Variants in MBTD1 observed in about 807,000 individuals in gnomAD.
MBTD1 encodes the protein MBT domain-containing protein 1.
MBTD1 carries 24 observed loss-of-function variants against 87.8 expected under a neutral mutation model. The observed-to-expected ratio is 0.27, with a 90% CI of 0.20 to 0.38. MBTD1 has a LOEUF of 0.38. Ranked by LOEUF, MBTD1 falls within the 10% of genes least tolerant of loss-of-function variation. The pLI is 1.00. For synonymous variants in MBTD1, 237 were observed against 248.6 expected (o/e 0.95, Z 0.44); for missense variants, 436 against 760.2 (o/e 0.57, Z 5.02).
chr17:51,203,399 CA>C (rs1292440629), intron 8 of MBTD1, among the ~76,000 whole-genome samples, 171 bp from the exon 9 acceptor site: 1 of 151,950 alleles, frequency 6.6e-6, no homozygotes, highest in Non-Finnish European at 1.5e-5. Flanking sequence ...TGCTTAACAC[CA>C]AAAAAACTAT....
intron 6 of MBTD1, among the ~76,000 whole-genome samples, chr17:51,213,495 C>A (rs2052379422): frequency 1.3e-5 from 2 of 151,422 alleles, no homozygotes; most frequent in South Asian, 4.2e-4. Context: ...GATTTTTCCA[C>A]CATTAGGATA....
intron 10 of MBTD1, 35 bp from the exon 11 acceptor site, chr17:51,202,112 T>C (rs1268606796): frequency 4.3e-6 from 6 of 1,410,744 alleles, no homozygotes; most frequent in Non-Finnish European, 6.0e-6. Flanking sequence ...TCTGTCAGCA[T>C]TTGTGAGAAG....
intron 12 of MBTD1, among the ~76,000 whole-genome samples, chr17:51,196,957 A>G (rs557310843): frequency 2.0e-5 from 3 of 149,694 alleles, no homozygotes; most frequent in South Asian, 4.3e-4. Flanking sequence ...AATAAACTCT[A>G]TTCACCCAGA....
chr17:51,229,805 C>T (rs556869196), intron 2 of MBTD1, among the ~76,000 whole-genome samples: 3 of 151,906 alleles, frequency 2.0e-5, no homozygotes, highest in Non-Finnish European at 4.4e-5. Flanking sequence ...GGATTACAGG[C>T]GCCCACCACC....
At chr17:51,229,782 T>A (rs2053449623) in intron 2 of MBTD1, among the ~76,000 whole-genome samples, 1 of 151,372 alleles carries the variant, frequency 6.6e-6, no homozygotes, top group Admixed American at 6.6e-5. Flanking sequence ...TGCCTCAGCA[T>A]CCCAAGTAGA....
chr17:51,242,550 A>C (rs2054216505), intron 2 of MBTD1, among the ~76,000 whole-genome samples: 1 of 152,208 alleles, frequency 6.6e-6, no homozygotes, highest in Admixed American at 6.5e-5. Flanking sequence ...ATTTGAAATA[A>C]GTTAGAATTG....
chr17:51,201,365 T>C lies in MBTD1; in HGVS notation c.1224+227A>G, dbSNP rs145912026. ...TAAATATTTTTCCTCTAAATTAGGA[T>C]ATACTTCCATAAATAAGTGTAGCAG... On this transcript the variant is annotated intron_variant, in intron 12 of 16. Coordinates refer to ENST00000586178, the MANE Select transcript of MBTD1 (RefSeq NM_017643.3). 2.4e-3 allele frequency among the ~76,000 whole-genome samples: 369 copies of C among 152,342 alleles called. 1 individual carries two copies. Among genetic ancestry groups the C allele is most frequent in the African/African-American group, 8.0e-3 (334 of 41,582 alleles).
chr17:51,211,867 T>C (rs1348608258), intron 6 of MBTD1, among the ~76,000 whole-genome samples: 1 of 152,142 alleles, frequency 6.6e-6, no homozygotes, highest in Non-Finnish European at 1.5e-5. Context: ...AGTTTTACTG[T>C]AAACTATTGC....
chr17:51,257,381 C>G (rs1261326322), intron 2 of MBTD1, among the ~76,000 whole-genome samples: 4 of 152,224 alleles, frequency 2.6e-5, no homozygotes, highest in Non-Finnish European at 5.9e-5. Context: ...CTACTGAGCA[C>G]TCTTGGCTTT....
At chr17:51,183,864 A>G (rs2050423090) in intron 16 of MBTD1, 1 of 152,220 alleles carries the variant, frequency 6.6e-6, no homozygotes, top group African/African-American at 2.4e-5. Context: ...CCCACAATAA[A>G]AGGTTGATTA....
At chr17:51,240,184 A>G (rs974681302) in intron 2 of MBTD1, among the ~76,000 whole-genome samples, 1 of 152,196 alleles carries the variant, frequency 6.6e-6, no homozygotes. Context: ...GGTAAAAGTG[A>G]AAATTCAGTA....
At chr17:51,241,574 T>A (rs189580436) in intron 2 of MBTD1, among the ~76,000 whole-genome samples, 189 of 152,238 alleles carry the variant, frequency 1.2e-3, no homozygotes, top group Non-Finnish European at 2.1e-3. Flanking sequence ...TTCAATGTTG[T>A]ATTTTTTTTG....
At chr17:51,257,801 G>A (rs2055178302) in intron 2 of MBTD1, among the ~76,000 whole-genome samples, 2 of 152,108 alleles carry the variant, frequency 1.3e-5, no homozygotes, top group Non-Finnish European at 2.9e-5. Context: ...GAATTCTAAT[G>A]AGTAGATTTA....
rs145382253 is a variant in MBTD1 at position 51,227,946 on chromosome 17, C to T, written c.-48-2737G>A. ...CAGCCTGGGCGACAGAGCAAGATTC[C>T]GTCTCAAGAAAAAAAAAAAAAAAGA... On this transcript the variant is annotated intron_variant, in intron 2 of 16. Coordinates refer to ENST00000586178, the MANE Select transcript of MBTD1 (RefSeq NM_017643.3). Among the ~76,000 whole-genome samples, 770 of 145,002 alleles carry T rather than the reference C, an allele frequency of 5.3e-3. 7 individuals carry two copies. Among genetic ancestry groups the T allele is most frequent in the African/African-American group, 0.019 (724 of 39,086 alleles).
At chr17:51,229,096 G>A (rs988239093) in intron 2 of MBTD1, among the ~76,000 whole-genome samples, 1 of 152,050 alleles carries the variant, frequency 6.6e-6, no homozygotes, top group African/African-American at 2.4e-5. Flanking sequence ...CTGGGAGGCC[G>A]AGGCTGGAGG....
intron 6 of MBTD1, among the ~76,000 whole-genome samples, chr17:51,216,179 G>C (rs933708936): frequency 6.6e-6 from 1 of 152,096 alleles, no homozygotes; most frequent in African/African-American, 2.4e-5. Context: ...TGATATGCCT[G>C]CTTCGGCCTC....
At chr17:51,255,509 G>C (rs1262411556) in intron 2 of MBTD1, among the ~76,000 whole-genome samples, 3 of 152,034 alleles carry the variant, frequency 2.0e-5, no homozygotes, top group African/African-American at 7.2e-5. Flanking sequence ...ATACACAAGG[G>C]GGCTACTTCT....
At chr17:51,192,697 A>G (rs1421731437) in intron 15 of MBTD1, 85 bp downstream of exon 15, 8 of 1,569,750 alleles carry the variant, frequency 5.1e-6, no homozygotes, top group Non-Finnish European at 6.0e-6. Flanking sequence ...TTGTCCTGTG[A>G]GCTCATAAGA....
upstream of MBTD1, chr17:51,260,301 A>G: frequency 1.9e-6 from 1 of 520,428 alleles, no homozygotes; most frequent in Non-Finnish European, 3.4e-6. Context: ...CGCTCCTTTC[A>G]ATATGTTGCA....
Sources: gnomAD v4.1 joint callset for allele counts (sites outside exome capture counted in the v4.1 genomes callset) on GRCh38, gnomAD v4.1.1 for gene constraint, MANE v1.5 for transcripts, NCBI Gene and HGNC (gene_info 2026-07-23, HGNC 2026-07-21) for gene names.